FBXO21: variants seen among roughly 807,000 people sequenced by gnomAD.
FBXO21 encodes F-box only protein 21.
In FBXO21, 32 loss-of-function variants were observed where a neutral mutation model predicts 76.6. The ratio of observed to expected loss-of-function variants is 0.42; its 90% CI spans 0.32 to 0.56. The LOEUF is 0.56. Among genes scored for constraint, FBXO21 ranks in the 20% least tolerant of loss-of-function variants. FBXO21 has a pLI of 0.16. For missense variants in FBXO21, 586 were observed against 797.3 expected (o/e 0.73, Z 3.19); for synonymous variants, 328 against 311.5 (o/e 1.05, Z -0.56).
intron 8 of FBXO21, among the ~76,000 whole-genome samples, chr12:117,165,911 C>A (rs543041624): frequency 6.6e-6 from 1 of 152,164 alleles, no homozygotes; most frequent in East Asian, 1.9e-4. Context: ...TTCTGAAGGC[C>A]GGGCGCAGTG....
chr12:117,188,518 C>A (rs145657316), intron 2 of FBXO21, among the ~76,000 whole-genome samples: 1 of 150,558 alleles, frequency 6.6e-6, no homozygotes, highest in Non-Finnish European at 1.5e-5. Flanking sequence ...GCACTCCAGC[C>A]GGGGAGACAA....
chr12:117,152,065 T>A (rs969459773), intron 11 of FBXO21, among the ~76,000 whole-genome samples: 2 of 151,174 alleles, frequency 1.3e-5, no homozygotes, highest in African/African-American at 2.4e-5. Flanking sequence ...TGAAGTATCC[T>A]CCCCAAGAAT....
chr12:117,171,069 T>A (rs1014741655), intron 7 of FBXO21, among the ~76,000 whole-genome samples: 2 of 152,030 alleles, frequency 1.3e-5, no homozygotes, highest in East Asian at 3.9e-4. Context: ...AACATTTGCA[T>A]GGAAATAAAC....
intron 3 of FBXO21, 95 bp from the exon 4 acceptor site, chr12:117,177,736 G>A: frequency 1.0e-6 from 1 of 977,660 alleles, no homozygotes; most frequent in Non-Finnish European, 1.5e-6. Context: ...TGCTTAACAA[G>A]AAAAATATAA....
rs1364497232 is a variant in FBXO21 at position 117,144,138 on chromosome 12, T to C, written c.*1949A>G. The C allele has an allele frequency of 6.6e-6, 1 of 152,458 alleles. No individual in the cohort carries two copies. Among genetic ancestry groups the C allele is most frequent in the East Asian group, 1.9e-4 (1 of 5,200 alleles). 9.4% of individuals were successfully genotyped at this position (152,458 alleles called of 1,614,324 possible). A position where few individuals can be genotyped will look rare whatever the true frequency, so the allele number is the denominator to read the frequency against. On this transcript the variant is annotated 3_prime_UTR_variant, in exon 12 of 12. Transcript: ENST00000622495. ...CTGGGTCAGTAAAGGTAAAACCATC[T>C]TTCTTGACTTTGATGTGTCTAAGAA...
At chr12:117,167,678 T>G (rs1956069854) in intron 7 of FBXO21, among the ~76,000 whole-genome samples, 1 of 151,650 alleles carries the variant, frequency 6.6e-6, no homozygotes, top group African/African-American at 2.4e-5. Context: ...GAGGCGGAGC[T>G]TGCAGTTAGC....
intron 10 of FBXO21, 39 bp from the exon 11 acceptor site, chr12:117,155,987 C>G (rs933491286): frequency 1.9e-6 from 3 of 1,600,396 alleles, no homozygotes; most frequent in East Asian, 2.2e-5. Context: ...CCTGCAGACC[C>G]GGCCGCAACA....
intron 3 of FBXO21, among the ~76,000 whole-genome samples, chr12:117,178,464 C>T (rs1956195723): frequency 6.6e-6 from 1 of 152,066 alleles, no homozygotes; most frequent in African/African-American, 2.4e-5. Flanking sequence ...TACGGTCACG[C>T]CACCCAATCC....
At chr12:117,162,434 G>A (rs1279725706) in intron 9 of FBXO21, among the ~76,000 whole-genome samples, 3 of 152,182 alleles carry the variant, frequency 2.0e-5, no homozygotes, top group Non-Finnish European at 4.4e-5. Flanking sequence ...ACTTCTCCCT[G>A]CCTCAGTTTC....
chr12:117,169,139 A>G (rs187910522), intron 7 of FBXO21, among the ~76,000 whole-genome samples: 1 of 152,374 alleles, frequency 6.6e-6, no homozygotes, highest in East Asian at 1.9e-4. Context: ...AATACTATGT[A>G]GCCACAAAAA....
intron 8 of FBXO21, among the ~76,000 whole-genome samples, chr12:117,166,408 T>C (rs1956054388): frequency 6.6e-6 from 1 of 152,134 alleles, no homozygotes; most frequent in Non-Finnish European, 1.5e-5. Context: ...GGTGAGGATG[T>C]TGACAGTGAG....
intron 10 of FBXO21, among the ~76,000 whole-genome samples, chr12:117,156,163 G>A (rs1355083682): frequency 6.6e-6 from 1 of 152,176 alleles, no homozygotes; most frequent in African/African-American, 2.4e-5. Context: ...AAAGTGATTA[G>A]ATGACAACTG....
At position 117,155,779 on chromosome 12, in the gene FBXO21, C is replaced by T. The variant is rs1329333911; in HGVS notation, c.1675+12G>A. 1 of 1,609,202 alleles carries T rather than the reference C, an allele frequency of 6.2e-7. No homozygotes were observed. The highest frequency in any genetic ancestry group is 8.5e-7 in the Non-Finnish European group (1 of 1,177,438). On this transcript the variant is annotated intron_variant, in intron 11 of 11. Transcript: ENST00000622495. ...CGCGGGGCCACTGGCACAAGCGGAA[C>T]CCGCCGCTTACCTTGGGCTGCGTAT...
At chr12:117,156,079 C>A in intron 10 of FBXO21, 131 bp from the exon 11 acceptor site, 1 of 731,534 alleles carries the variant, frequency 1.4e-6, no homozygotes, top group Non-Finnish European at 2.3e-6. Context: ...TTCAGGACAC[C>A]CCTAACCCCT....
chr12:117,190,435 T>G lies in FBXO21; in HGVS notation c.22A>C (p.Ser8Arg). 16 of 1,359,948 alleles carry G rather than the reference T, an allele frequency of 1.2e-5. No individual in the cohort carries two copies. Among genetic ancestry groups the G allele is most frequent in the Non-Finnish European group, 1.6e-5 (16 of 1,014,056 alleles). The allele number at this position is 1,359,948 out of a possible 1,614,324, so 84.2% of individuals were successfully genotyped here. A position where few individuals can be genotyped will look rare whatever the true frequency, so the allele number is the denominator to read the frequency against. Residue 8 changes from serine (S) to arginine (R), a missense_variant, in exon 1 of 12, where the codon AGC becomes CGC. Around this residue, in one of 6 missense-constraint regions of FBXO21, gnomAD observed 152 missense variants for 127.2 expected, o/e 1.19. Transcript: ENST00000622495. Reference protein sequence around the residue: MAAAAVDSAMEVVPALAE... With the variant: MAAAAVDRAMEVVPALAE... ...AGCGCCGGCACCACCTCCATCGCGC[T>G]GTCGACTGCTGCCGCCGCCATCTTG...
intron 8 of FBXO21, among the ~76,000 whole-genome samples, chr12:117,166,223 G>A (rs934408263): frequency 6.6e-6 from 1 of 151,764 alleles, no homozygotes; most frequent in African/African-American, 2.4e-5. Flanking sequence ...TTCTGAGTAG[G>A]CGGAGCACAG....
intron 11 of FBXO21, among the ~76,000 whole-genome samples, chr12:117,147,472 G>A (rs1191705820): frequency 3.3e-5 from 5 of 149,348 alleles, no homozygotes; most frequent in South Asian, 2.1e-4. Flanking sequence ...CATGGCGGGC[G>A]TCTGTAATCC....
intron 3 of FBXO21, 132 bp from the exon 4 acceptor site, chr12:117,177,773 A>T (rs1476569969): frequency 1.5e-6 from 1 of 664,848 alleles, no homozygotes; most frequent in East Asian, 2.8e-5. Context: ...TAATAATTAT[A>T]ATGGAAATAG....
intron 9 of FBXO21, among the ~76,000 whole-genome samples, chr12:117,163,457 C>T (rs749479673): frequency 3.3e-5 from 5 of 152,050 alleles, no homozygotes; most frequent in African/African-American, 9.7e-5. Context: ...CACTTGAACC[C>T]GGGAGGCAGA....
Sources: allele counts gnomAD v4.1 joint callset (sites outside exome capture counted in the v4.1 genomes callset), GRCh38; gene constraint gnomAD v4.1.1; regional missense constraint gnomAD v4.1.1; transcripts MANE v1.5; gene names NCBI Gene and HGNC (gene_info 2026-07-23, HGNC 2026-07-21).